The following CACNA2D3 variants were observed in gnomAD, a reference collection of about 807,000 sequenced individuals.
The protein encoded by CACNA2D3 is calcium voltage-gated channel auxiliary subunit alpha2delta 3.
In CACNA2D3, 60 loss-of-function variants were observed where a neutral mutation model predicts 160.6. The observed-to-expected ratio is 0.37, with a 90% confidence interval of 0.30 to 0.46. The LOEUF is 0.46. CACNA2D3 is among the 20% of genes least tolerant of loss of function. The pLI, the probability that CACNA2D3 is intolerant of heterozygous loss-of-function variation, is 1.00. For missense variants in CACNA2D3, 1,205 were observed against 1,365.0 expected (o/e 0.88, Z 1.85); for synonymous variants, 558 against 492.9 (o/e 1.13, Z -1.75).
At chr3:54,283,150 A>G (rs1187240735) in intron 2 of CACNA2D3, among the ~76,000 whole-genome samples, 4 of 152,230 alleles carry the variant, frequency 2.6e-5, no homozygotes, top group Non-Finnish European at 5.9e-5. Context: ...GCAGAATTTT[A>G]GTGAGAAGTA....
chr3:54,159,841 A>G (rs1700311125), intron 2 of CACNA2D3, among the ~76,000 whole-genome samples: 1 of 152,236 alleles, frequency 6.6e-6, no homozygotes, highest in Admixed American at 6.5e-5. Context: ...AAAAAAAGAG[A>G]CAAAATCATG....
intron 5 of CACNA2D3, among the ~76,000 whole-genome samples, chr3:54,511,713 G>A (rs577604251): frequency 1.3e-5 from 2 of 152,284 alleles, no homozygotes; most frequent in African/African-American, 4.8e-5. Context: ...AAGGACAATG[G>A]GAGAGCAGGA....
chr3:55,053,568 T>G (rs1229241493), intron 35 of CACNA2D3, among the ~76,000 whole-genome samples: 1 of 152,018 alleles, frequency 6.6e-6, no homozygotes, highest in Admixed American at 6.5e-5. Flanking sequence ...TTAAGTAGTA[T>G]TACTTCATTT....
At chr3:54,436,541 A>G (rs531778371) in intron 4 of CACNA2D3, among the ~76,000 whole-genome samples, 19 of 152,372 alleles carry the variant, frequency 1.2e-4, no homozygotes, top group African/African-American at 4.3e-4. Context: ...ATGCCCATCA[A>G]TGATAGACTG....
intron 3 of CACNA2D3, among the ~76,000 whole-genome samples, chr3:54,354,155 T>C (rs1009831082): frequency 1.3e-5 from 2 of 152,190 alleles, no homozygotes; most frequent in African/African-American, 4.8e-5. Context: ...TGCTGTGCAG[T>C]GTTTGCTTTG....
chr3:54,332,940 C>T (rs1036421700), intron 3 of CACNA2D3, among the ~76,000 whole-genome samples: 4 of 152,100 alleles, frequency 2.6e-5, no homozygotes, highest in African/African-American at 7.2e-5. Flanking sequence ...GCTTTGAAAT[C>T]GGGAGTCCTG....
At chr3:54,822,373 C>G (rs1254218090) in intron 14 of CACNA2D3, among the ~76,000 whole-genome samples, 5 of 152,202 alleles carry the variant, frequency 3.3e-5, no homozygotes, top group Non-Finnish European at 5.9e-5. Flanking sequence ...TGAGTGATGG[C>G]ATATTGCCCA....
intron 3 of CACNA2D3, among the ~76,000 whole-genome samples, chr3:54,357,422 A>G (rs1698668672): frequency 6.6e-6 from 1 of 152,198 alleles, no homozygotes; most frequent in Admixed American, 6.5e-5. Context: ...CTCGACATCA[A>G]TTGCTGGTGA....
At chr3:54,340,254 C>G (rs1704485106) in intron 3 of CACNA2D3, among the ~76,000 whole-genome samples, 1 of 152,064 alleles carries the variant, frequency 6.6e-6, no homozygotes, top group Non-Finnish European at 1.5e-5. Context: ...ACAAATTTGC[C>G]ACACAAACAC....
intron 4 of CACNA2D3, among the ~76,000 whole-genome samples, chr3:54,422,781 A>G (rs1376345811): frequency 6.6e-6 from 1 of 152,194 alleles, no homozygotes; most frequent in African/African-American, 2.4e-5. Flanking sequence ...CTAAAAATGC[A>G]CAGACCCTAC....
chr3:54,156,603 G>T (rs1351129795), intron 2 of CACNA2D3, among the ~76,000 whole-genome samples: 1 of 152,234 alleles, frequency 6.6e-6, no homozygotes, highest in Non-Finnish European at 1.5e-5. Context: ...CTCTGAAGCA[G>T]GGCTGGCCCT....
chr3:54,240,883 A>G (rs1701962912), intron 2 of CACNA2D3, among the ~76,000 whole-genome samples: 1 of 152,054 alleles, frequency 6.6e-6, no homozygotes, highest in Admixed American at 6.5e-5. Flanking sequence ...CTGGGATTAC[A>G]GGCACCTGCT....
intron 27 of CACNA2D3, among the ~76,000 whole-genome samples, chr3:54,926,782 T>G (rs887632576): frequency 3.3e-5 from 5 of 152,198 alleles, no homozygotes; most frequent in African/African-American, 1.2e-4. Context: ...GCAGTTTTTT[T>G]CTTCATTCTA....
intron 10 of CACNA2D3, among the ~76,000 whole-genome samples, chr3:54,637,111 C>T (rs9813045): frequency 0.12 from 18,788 of 151,754 alleles, 3,988 homozygotes; most frequent in African/African-American, 0.43. Flanking sequence ...AAGGCTTGTC[C>T]GGTTTTAGGA....
At chr3:54,285,617 T>G (rs1166987863) in intron 2 of CACNA2D3, among the ~76,000 whole-genome samples, 1 of 152,162 alleles carries the variant, frequency 6.6e-6, no homozygotes, top group Admixed American at 6.5e-5. Context: ...GATCTGAGAA[T>G]GGACAGACTG....
rs1332477938 is a variant in CACNA2D3 at position 54,122,598 on chromosome 3, C to G, written c.-116C>G. The stretch of plus-strand genomic sequence containing the variant: ...GTGAGCCGGGCGCGCGAGAGGCAGG[C>G]GGGGCGGCGCGGAGCGGAGCAGGCA... On this transcript the variant is annotated 5_prime_UTR_variant, in exon 1 of 38. Coordinates refer to ENST00000474759, the MANE Select transcript of CACNA2D3 (RefSeq NM_018398.3). 1 of 538,716 alleles carries G rather than the reference C, an allele frequency of 1.9e-6. No homozygotes were observed. The highest frequency in any genetic ancestry group is 1.6e-4 in the East Asian group (1 of 6,218). 33.4% of individuals were successfully genotyped at this position (538,716 alleles called of 1,614,324 possible).
intron 5 of CACNA2D3, among the ~76,000 whole-genome samples, chr3:54,539,498 A>G (rs7433752): frequency 0.7 from 105,820 of 152,038 alleles, 37,084 homozygotes; most frequent in Non-Finnish European, 0.73. Context: ...TTGCTTTGTG[A>G]CATTTGTGTG....
chr3:54,166,675 TG>T (rs1209296740), intron 2 of CACNA2D3, among the ~76,000 whole-genome samples: 2 of 152,212 alleles, frequency 1.3e-5, no homozygotes, highest in African/African-American at 2.4e-5. Flanking sequence ...ATTGCCTGTG[TG>T]GTGCTTCATT....
chr3:54,713,123 AC>A (rs1456724058), intron 11 of CACNA2D3, among the ~76,000 whole-genome samples: 1 of 151,956 alleles, frequency 6.6e-6, no homozygotes, highest in African/African-American at 2.4e-5. Context: ...GTTCTTTGTG[AC>A]CCCATTATGT....
Sources: gnomAD v4.1 joint callset for allele counts (sites outside exome capture counted in the v4.1 genomes callset) on GRCh38, gnomAD v4.1.1 for gene constraint, MANE v1.5 for transcripts, NCBI Gene and HGNC (gene_info 2026-07-23, HGNC 2026-07-21) for gene names.